LTN1: variants seen among roughly 807,000 people sequenced by gnomAD.
LTN1 encodes E3 ubiquitin-protein ligase listerin.
Under a neutral mutation model 201.2 loss-of-function variants are expected in LTN1, and 88 were observed. That is an observed-to-expected ratio of 0.44 (90% CI 0.37 to 0.52). The LOEUF (loss-of-function observed/expected upper bound fraction) is 0.52, where lower values mean the gene tolerates loss of function less well. Among genes scored for constraint, LTN1 ranks in the 20% least tolerant of loss-of-function variants. The pLI is 0.00. For missense variants in LTN1, 1,752 were observed against 2,038.7 expected (o/e 0.86, Z 2.71); for synonymous variants, 645 against 713.5 (o/e 0.90, Z 1.53).
At chr21:28,932,445 G>C in intron 28 of LTN1, 25 bp downstream of exon 28, 1 of 1,592,220 alleles carries the variant, frequency 6.3e-7, no homozygotes, top group Non-Finnish European at 8.6e-7. Flanking sequence ...AGTTTGTAAA[G>C]CCAAATGTGT....
Position 28,941,339 on chromosome 21 carries a change from A to G in LTN1, c.4363T>C (p.Cys1455Arg). 3 of 1,613,528 alleles carry G rather than the reference A, an allele frequency of 1.9e-6. No individual in the cohort carries two copies. The highest frequency in any genetic ancestry group is 2.5e-6 in the Non-Finnish European group (3 of 1,179,674). The change falls in exon 25 of 30, where the codon TGT (cysteine) becomes CGT (arginine). Residue 1455 changes from cysteine (C) to arginine (R), a missense_variant. Transcript: ENST00000361371. ...GTAACTATCTGTCCAACAGGAATACACCCCAAAACATTTTCTAGTAAGTCC... is the reference window on the plus strand; with the variant it reads ...GTAACTATCTGTCCAACAGGAATACGCCCCAAAACATTTTCTAGTAAGTCC... ...QEDLLENVLG[C>R]IPVGQIVTIK...
intron 18 of LTN1, among the ~76,000 whole-genome samples, chr21:28,949,671 T>C (rs1325857662): frequency 6.6e-6 from 1 of 152,234 alleles, no homozygotes; most frequent in African/African-American, 2.4e-5. Context: ...ATGTCAGAAT[T>C]TCTTTCCCTT....
intron 8 of LTN1, among the ~76,000 whole-genome samples, chr21:28,969,857 CT>C (rs201935178): frequency 6.6e-6 from 1 of 150,440 alleles, no homozygotes; most frequent in Non-Finnish European, 1.5e-5. Context: ...TCTTTTTCTT[CT>C]TTTTTTTTAG....
At chr21:28,985,261 A>C (rs1353431817) in intron 3 of LTN1, among the ~76,000 whole-genome samples, 2 of 152,080 alleles carry the variant, frequency 1.3e-5, no homozygotes, top group Non-Finnish European at 2.9e-5. Flanking sequence ...GGAGTTCAAG[A>C]CCAGCCTGGC....
At chr21:28,944,718 G>A (rs938322681) in intron 21 of LTN1, 122 bp from the exon 22 acceptor site, 1 of 675,846 alleles carries the variant, frequency 1.5e-6, no homozygotes, top group African/African-American at 1.8e-5. Flanking sequence ...AGCAGTTGAG[G>A]TGTGTAATCT....
intron 27 of LTN1, among the ~76,000 whole-genome samples, chr21:28,932,882 AAATT>A (rs1388252427): frequency 6.6e-6 from 1 of 152,260 alleles, no homozygotes; most frequent in African/African-American, 2.4e-5. Flanking sequence ...GTTTTAAAAG[AAATT>A]AATTGCTCAT....
Position 28,941,379 on chromosome 21 carries a change from A to AAG in LTN1, c.4321_4322dup (p.Leu1442PhefsTer9). ...CTAGTAAGTCCTCTTGAATGCTAAG[A>AAG]AGAGACATCAGTGCTGCTGGTGGTG... On this transcript the variant is annotated frameshift_variant, in exon 25 of 30. Transcript: ENST00000361371. LOFTEE classifies it high-confidence loss of function. 1 of 1,612,878 alleles carries AAG rather than the reference A, an allele frequency of 6.2e-7. No homozygotes were observed. The highest frequency in any genetic ancestry group is 8.5e-7 in the Non-Finnish European group (1 of 1,179,700).
At position 28,960,719 on chromosome 21, in the gene LTN1, AATT is replaced by A. The variant is rs1284846505; in HGVS notation, c.2164-16_2164-14del. 1 of 1,585,676 alleles carries A rather than the reference AATT, an allele frequency of 6.3e-7. No individual in the cohort carries two copies. The highest frequency in any genetic ancestry group is 8.6e-7 in the Non-Finnish European group (1 of 1,158,176). Reference sequence around the variant, plus strand: ...AACTAGGACATGCCTAAAACCATAAAATTAAAGCAAAGATTAACAGCAAGATCA... The same window carrying A: ...AACTAGGACATGCCTAAAACCATAAAAAAGCAAAGATTAACAGCAAGATCA... On this transcript the variant is annotated splice_polypyrimidine_tract_variant and intron_variant, in intron 11 of 29. Transcript: ENST00000361371.
At chr21:28,936,449 AT>A in intron 26 of LTN1, 76 bp downstream of exon 26, 1 of 1,235,286 alleles carries the variant, frequency 8.1e-7, no homozygotes, top group Non-Finnish European at 1.1e-6. Flanking sequence ...TATTCTCCAC[AT>A]TCTCAGGGAA....
chr21:28,938,864 T>C (rs1000996885), intron 25 of LTN1, among the ~76,000 whole-genome samples: 18 of 152,170 alleles, frequency 1.2e-4, no homozygotes, highest in African/African-American at 4.1e-4. Context: ...GGCAGATGCA[T>C]AGAGACAGAA....
At chr21:28,959,040 G>A (rs951732143) in intron 13 of LTN1, among the ~76,000 whole-genome samples, 1 of 152,014 alleles carries the variant, frequency 6.6e-6, no homozygotes, top group African/African-American at 2.4e-5. Flanking sequence ...TAGCATATAA[G>A]GCAAGAATAT....
chr21:28,964,914 A>AC, intron 11 of LTN1: 1 of 1,016,744 alleles, frequency 9.8e-7, no homozygotes, highest in Non-Finnish European at 1.3e-6. Context: ...AAACTAAGGC[A>AC]AATAGTGTGC....
intron 25 of LTN1, among the ~76,000 whole-genome samples, chr21:28,937,044 A>T (rs2084262248): frequency 6.6e-6 from 1 of 152,238 alleles, no homozygotes; most frequent in Non-Finnish European, 1.5e-5. Context: ...CTCACCCTGT[A>T]TCAAAAACTC....
At chr21:28,969,763 A>C (rs757609007) in intron 8 of LTN1, among the ~76,000 whole-genome samples, 162 bp from the exon 9 acceptor site, 1 of 152,208 alleles carries the variant, frequency 6.6e-6, no homozygotes, top group Admixed American at 6.5e-5. Context: ...ATATAGCCCA[A>C]TGAGAATATG....
intron 3 of LTN1, 92 bp from the exon 4 acceptor site, chr21:28,985,014 G>T: frequency 2.5e-6 from 2 of 805,744 alleles, no homozygotes; most frequent in Non-Finnish European, 2.0e-6. Context: ...CCATTACCAA[G>T]AATTCACCTA....
chr21:28,938,524 T>A (rs2084273926), intron 25 of LTN1, among the ~76,000 whole-genome samples: 1 of 152,174 alleles, frequency 6.6e-6, no homozygotes. Context: ...CCAATATCAA[T>A]GGACTTTTAA....
In LTN1 at chr21:28,944,541, C is replaced by A. The variant is rs371562279; in HGVS notation, c.3824G>T (p.Cys1275Phe). 7 of 1,613,848 alleles carry A rather than the reference C, an allele frequency of 4.3e-6. No homozygotes were observed. The highest frequency in any genetic ancestry group is 1.3e-5 in the African/African-American group (1 of 74,900). The change falls in exon 22 of 30, where the codon TGT (cysteine) becomes TTT (phenylalanine). Residue 1275 changes from cysteine to phenylalanine, a missense_variant. Around this residue, in one of 3 missense-constraint regions of LTN1, gnomAD observed 1,211 missense variants for 1,312.8 expected, o/e 0.92. Coordinates refer to ENST00000361371, the MANE Select transcript of LTN1 (RefSeq NM_015565.3). ...YSIPLVQLFA[C>F]VSCDLACDLS... ...GTCACAGGCCAAATCACAGCTGACA[C>A]AGGCAAACAGTTGCACAAGTGGAAT... is the stretch of plus-strand genomic sequence containing the variant.
At chr21:28,983,814 A>T (rs2084676663) in intron 4 of LTN1, among the ~76,000 whole-genome samples, 2 of 152,246 alleles carry the variant, frequency 1.3e-5, no homozygotes, top group South Asian at 4.1e-4. Context: ...TTAAAAAATT[A>T]TCAATTCCCT....
At position 28,930,352 on chromosome 21, in the gene LTN1, T is replaced by C. The variant is rs552914773; in HGVS notation, c.*96A>G. 56 of 821,990 alleles carry C rather than the reference T, an allele frequency of 6.8e-5. No individual in the cohort carries two copies. In the African/African-American group the frequency reaches 7.9e-4, roughly 12 times the overall value. The allele number at this position is 821,990 out of a possible 1,614,324, so 50.9% of individuals were successfully genotyped here. On this transcript the variant is annotated 3_prime_UTR_variant, in exon 30 of 30. Coordinates refer to ENST00000361371, the MANE Select transcript of LTN1 (RefSeq NM_015565.3). ...CAGAGAAGGTCCTATTTAAAAGTAA[T>C]GCTCACTGGCTTCCCCACATCCACA... is the stretch of plus-strand genomic sequence containing the variant.
Sources: allele counts gnomAD v4.1 joint callset (sites outside exome capture counted in the v4.1 genomes callset), GRCh38; gene constraint gnomAD v4.1.1; regional missense constraint gnomAD v4.1.1; transcripts MANE v1.5; gene names NCBI Gene and HGNC (gene_info 2026-07-23, HGNC 2026-07-21).